Variants in ZNF711 observed in about 807,000 individuals in gnomAD.
ZNF711 encodes ZFX family zinc finger ZNF711, also known as zinc finger protein 711.
ZNF711 carries 3 observed loss-of-function variants against 43.5 expected under a neutral mutation model. That is an observed-to-expected ratio of 0.07 (90% CI 0.03 to 0.18). The LOEUF (loss-of-function observed/expected upper bound fraction) is 0.18, where lower values mean the gene tolerates loss of function less well. Among genes scored for constraint, ZNF711 ranks in the 10% least tolerant of loss-of-function variants. The pLI is 1.00. For synonymous variants in ZNF711, 209 were observed against 207.7 expected (o/e 1.01, Z -0.06); for missense variants, 412 against 604.0 (o/e 0.68, Z 3.33).
At chrX:85,268,433 C>T in intron 9 of ZNF711, 92 bp downstream of exon 9, 2 of 1,024,409 alleles carry the variant, frequency 2.0e-6, no homozygotes, top group African/African-American at 1.9e-5. Flanking sequence ...TCTACAGACA[C>T]ATTTGTTGGA....
At chrX:85,257,426 G>A (rs1930259469) in intron 5 of ZNF711, among the ~76,000 whole-genome samples, 1 of 111,300 alleles carries the variant, frequency 9.0e-6, no homozygotes, top group African/African-American at 3.3e-5. Flanking sequence ...TGCAGTATTT[G>A]GTTTTCTGTT....
At chrX:85,262,118 CTAAG>C (rs1930700708) in intron 5 of ZNF711, among the ~76,000 whole-genome samples, 1 of 110,480 alleles carries the variant, frequency 9.1e-6, no homozygotes, top group South Asian at 3.7e-4. Context: ...TCTGAGGAAT[CTAAG>C]TAAAAATTAA....
intron 7 of ZNF711, among the ~76,000 whole-genome samples, chrX:85,266,798 A>G (rs1182440825): frequency 3.7e-5 from 4 of 108,552 alleles, no homozygotes; most frequent in African/African-American, 6.7e-5. Flanking sequence ...ATATACATAT[A>G]TAATTTTTAT....
intron 4 of ZNF711, among the ~76,000 whole-genome samples, chrX:85,254,467 C>T (rs1343572622): frequency 1.2e-5 from 1 of 83,909 alleles, no homozygotes; most frequent in Non-Finnish European, 2.2e-5. Context: ...ATTAGCCGGG[C>T]GCGGTGGCGG....
intron 5 of ZNF711, among the ~76,000 whole-genome samples, chrX:85,260,543 C>T (rs1180621874): frequency 9.1e-6 from 1 of 109,833 alleles, no homozygotes; most frequent in Non-Finnish European, 1.9e-5. Context: ...CAACCATCAC[C>T]ACAATCAATT....
Position 85,244,136 on chromosome X carries a change from G to GGCGGCGGCGGCA in ZNF711, c.-434_-423dup, listed in dbSNP as rs749486374. 8.6e-4 allele frequency: 128 copies of GGCGGCGGCGGCA among 148,554 alleles called. No individual in the cohort carries two copies. The highest frequency in any genetic ancestry group is 6.9e-3 in the East Asian group (39 of 5,646). 12.2% of individuals were successfully genotyped at this position (148,554 alleles called of 1,213,427 possible). The stretch of plus-strand genomic sequence containing the variant: ...CTGGCGGCACGGAGGCGGCGGCGGC[G>GGCGGCGGCGGCA]GCGGCGGCGGCAGCGGCGGCGGCAG... On this transcript the variant is annotated 5_prime_UTR_variant, in exon 1 of 11. Coordinates refer to ENST00000674551, the MANE Select transcript of ZNF711 (RefSeq NM_001330574.2).
chrX:85,258,256 T>C (rs1016860765), intron 5 of ZNF711, among the ~76,000 whole-genome samples: 1 of 111,599 alleles, frequency 9.0e-6, no homozygotes. Context: ...GAGACTGTTA[T>C]TCTAAGTGAA....
intron 4 of ZNF711, among the ~76,000 whole-genome samples, chrX:85,253,681 C>A (rs1256470098): frequency 1.8e-5 from 2 of 109,873 alleles, no homozygotes; most frequent in Admixed American, 2.0e-4. Context: ...TTTTATCCCA[C>A]ATATAGATTT....
chrX:85,270,193 G>A (rs146865358), intron 10 of ZNF711, 47 bp downstream of exon 10: 1 of 1,155,674 alleles, frequency 8.7e-7, no homozygotes, highest in East Asian at 3.2e-5. Context: ...AGATGTGGAA[G>A]TATTTTTTGT....
chrX:85,255,846 T>C (rs1813945276), intron 5 of ZNF711, 45 bp downstream of exon 5: 1 of 1,169,107 alleles, frequency 8.6e-7, no homozygotes, highest in South Asian at 1.9e-5. Flanking sequence ...GATTGATTTA[T>C]ATAATCTGGA....
chrX:85,250,164 T>C (rs990659205), intron 4 of ZNF711, among the ~76,000 whole-genome samples: 1 of 112,267 alleles, frequency 8.9e-6, no homozygotes, highest in Non-Finnish European at 1.9e-5. Flanking sequence ...TTTGACAAAA[T>C]AAGCTTTGCA....
At position 85,263,687 on chromosome X, in the gene ZNF711, T is replaced by A. The variant is rs527314298; in HGVS notation, c.623-588T>A. On this transcript the variant is annotated intron_variant, in intron 5 of 10. Coordinates refer to ENST00000674551, the MANE Select transcript of ZNF711 (RefSeq NM_001330574.2). ...TAATATATGTTTTATGTTCTTAATT[T>A]TTCTGTTATTAAATTTAGTGTTAGG... Among the ~76,000 whole-genome samples the A allele has an allele frequency of 1.2e-4, 13 of 110,563 alleles. No homozygotes were observed. The East Asian group carries it at 3.7e-3, about 31-fold the overall frequency.
In ZNF711 at chrX:85,264,396, A is replaced by T. The variant is rs1458813985; in HGVS notation, c.744A>T (p.Ile248=). 1.7e-6 allele frequency: 2 copies of T among 1,206,385 alleles called. No homozygotes were observed. Among genetic ancestry groups the T allele is most frequent in the Non-Finnish European group, 1.1e-6 (1 of 892,830 alleles). ...GFGSEVIKVY[I]FKAEAEDDVE... The stretch of plus-strand genomic sequence containing the variant: ...GTTCTGAAGTTATAAAAGTGTATAT[A>T]TTTAAAGCGGAGGCTGAAGATGATG... The change falls in exon 6 of 11, where the codon ATA becomes ATT. Residue 248 remains isoleucine (I), a synonymous_variant. Transcript: ENST00000674551.
chrX:85,251,207 T>C (rs73234658), intron 4 of ZNF711, among the ~76,000 whole-genome samples: 12,666 of 110,493 alleles, frequency 0.11, 584 homozygotes, highest in South Asian at 0.17. Context: ...CCAAATTCTG[T>C]AAGGTTCTTG....
Position 85,255,374 on chromosome X carries a change from C to T in ZNF711, c.195C>T (p.Gly65=). The T allele has an allele frequency of 8.3e-7, 1 of 1,211,236 alleles. No individual in the cohort carries two copies. The highest frequency in any genetic ancestry group is 1.8e-5 in the South Asian group (1 of 56,956). The change falls in exon 5 of 11, where the codon GGC becomes GGT. Residue 65 remains glycine (G), a synonymous_variant. Transcript: ENST00000674551. Reference sequence around the variant, plus strand: ...ATGATGGGATAACTCTTGATCATGGCCTTGCAGCTGAAGTTGTCCATGGAC... The same window carrying T: ...ATGATGGGATAACTCTTGATCATGGTCTTGCAGCTGAAGTTGTCCATGGAC... ...VTDDGITLDH[G]LAAEVVHGPD... is the part of the protein sequence containing the mutation.
chrX:85,271,086 G>A lies in ZNF711; in HGVS notation c.1682G>A (p.Arg561Gln), dbSNP rs771064778. The A allele has an allele frequency of 1.2e-5, 14 of 1,209,118 alleles. No homozygotes were observed. The highest frequency in any genetic ancestry group is 4.4e-5 in the Admixed American group (2 of 45,596). The stretch of plus-strand genomic sequence containing the variant: ...TGTGTTGAGTGTGGGAAGGGTTTTC[G>A]ACATCCTTCTGAACTCAAGAAACAT... Reference protein sequence around the residue: ...HVCVECGKGFRHPSELKKHMR... With the variant: ...HVCVECGKGFQHPSELKKHMR... The change falls in exon 11 of 11, where the codon CGA becomes CAA. Residue 561 changes from arginine to glutamine, a missense_variant. Coordinates refer to ENST00000674551, the MANE Select transcript of ZNF711 (RefSeq NM_001330574.2).
At position 85,271,162 on chromosome X, in the gene ZNF711, C is replaced by T; in HGVS notation, c.1758C>T (p.Phe586=). ...EKPYQCQYCI[F]RCADQSNLKT... ...CATATCAGTGTCAGTATTGTATTTT[C>T]AGGTGTGCAGATCAATCAAATCTGA... Residue 586 remains phenylalanine (F), a synonymous_variant, in exon 11 of 11, where the codon TTC becomes TTT. Coordinates refer to ENST00000674551, the MANE Select transcript of ZNF711 (RefSeq NM_001330574.2). The T allele has an allele frequency of 8.3e-7, 1 of 1,210,119 alleles. No homozygotes were observed. Among genetic ancestry groups the T allele is most frequent in the Non-Finnish European group, 1.1e-6 (1 of 894,771 alleles).
At position 85,267,084 on chromosome X, in the gene ZNF711, A is replaced by G. The variant is rs1236404053; in HGVS notation, c.917-194A>G. Among the ~76,000 whole-genome samples, 5 of 110,648 alleles carry G rather than the reference A, an allele frequency of 4.5e-5. No individual in the cohort carries two copies. In the East Asian group the frequency reaches 1.4e-3, roughly 31 times the overall value. On this transcript the variant is annotated intron_variant, in intron 7 of 10. Coordinates refer to ENST00000674551, the MANE Select transcript of ZNF711 (RefSeq NM_001330574.2). ...TAGAACTTGGTTCTAAGAGGAGAATAAGAGTTTTGGTAAATGATTGTCTCC... is the reference window on the plus strand; with the variant it reads ...TAGAACTTGGTTCTAAGAGGAGAATGAGAGTTTTGGTAAATGATTGTCTCC...
chrX:85,265,288 A>G, intron 7 of ZNF711, 33 bp downstream of exon 7: 3 of 1,191,087 alleles, frequency 2.5e-6, no homozygotes, highest in Non-Finnish European at 3.4e-6. Flanking sequence ...GTGACTTATC[A>G]GTAGCCATCA....
Sources: gnomAD v4.1 joint callset for allele counts (sites outside exome capture counted in the v4.1 genomes callset) on GRCh38, gnomAD v4.1.1 for gene constraint, MANE v1.5 for transcripts, NCBI Gene and HGNC (gene_info 2026-07-23, HGNC 2026-07-21) for gene names.